Variants in STIM2 observed in about 807,000 individuals in gnomAD.
The protein encoded by STIM2 is stromal interaction molecule 2.
In STIM2, 31 loss-of-function variants were observed where a neutral mutation model predicts 85.8. The ratio of observed to expected loss-of-function variants is 0.36; its 90% CI spans 0.27 to 0.49. STIM2 has a LOEUF of 0.49. Ranked by LOEUF, STIM2 falls within the 20% of genes least tolerant of loss-of-function variation. The pLI, the probability that STIM2 is intolerant of heterozygous loss-of-function variation, is 0.98. For missense variants in STIM2, 841 were observed against 927.6 expected (o/e 0.91, Z 1.21); for synonymous variants, 356 against 331.1 (o/e 1.08, Z -0.82).
rs151324924 is a variant in STIM2 at position 26,941,707 on chromosome 4, C to T, written c.283-15905C>T. Among the ~76,000 whole-genome samples the T allele has an allele frequency of 5.5e-3, 826 of 150,722 alleles. 3 individuals carry two copies. The highest frequency in any genetic ancestry group is 8.8e-3 in the Non-Finnish European group (600 of 67,976). ...CCTAATTATTGGCTTTCTTAAAGAT[C>T]CTAAGAGATGAGCAGTACCTTTTAA... On this transcript the variant is annotated intron_variant, in intron 2 of 11. Transcript: ENST00000467087.
intron 2 of STIM2, among the ~76,000 whole-genome samples, chr4:26,922,444 T>A (rs1183925964): frequency 6.6e-6 from 1 of 152,192 alleles, no homozygotes; most frequent in African/African-American, 2.4e-5. Context: ...AAACTGAGCT[T>A]CTGCAGTTTC....
chr4:26,861,920 C>G (rs1458243620), intron 1 of STIM2, among the ~76,000 whole-genome samples: 2 of 151,952 alleles, frequency 1.3e-5, no homozygotes, highest in African/African-American at 4.8e-5. Context: ...TGCAGAAATG[C>G]CTAAGTTTAC....
chr4:26,896,496 G>A (rs1370647097), intron 1 of STIM2, among the ~76,000 whole-genome samples: 4 of 152,068 alleles, frequency 2.6e-5, no homozygotes, highest in Non-Finnish European at 4.4e-5. Flanking sequence ...TGAAAATTTC[G>A]TATCTTCATA....
chr4:26,914,964 C>T (rs1014204085), intron 1 of STIM2, among the ~76,000 whole-genome samples: 6 of 152,128 alleles, frequency 3.9e-5, no homozygotes, highest in Admixed American at 2.6e-4. Context: ...TCTGTGATAG[C>T]GGTACTTAAT....
intron 2 of STIM2, among the ~76,000 whole-genome samples, chr4:26,949,585 A>G (rs1725969405): frequency 6.6e-6 from 1 of 152,222 alleles, no homozygotes; most frequent in Non-Finnish European, 1.5e-5. Flanking sequence ...GAAAGTGGTA[A>G]TAACCTCTAA....
intron 3 of STIM2, among the ~76,000 whole-genome samples, chr4:26,960,007 G>A (rs1726388245): frequency 6.6e-6 from 1 of 152,084 alleles, no homozygotes; most frequent in Non-Finnish European, 1.5e-5. Flanking sequence ...GCTTTATAAT[G>A]ACCTAATTGA....
chr4:26,908,234 C>T (rs932100056), intron 1 of STIM2, among the ~76,000 whole-genome samples: 2 of 152,112 alleles, frequency 1.3e-5, no homozygotes, highest in Non-Finnish European at 2.9e-5. Flanking sequence ...TCAGAATATT[C>T]TCTTTTGGGT....
intron 1 of STIM2, among the ~76,000 whole-genome samples, chr4:26,863,027 CA>C (rs1263867463): frequency 6.6e-6 from 1 of 152,126 alleles, no homozygotes; most frequent in African/African-American, 2.4e-5. Context: ...GGTAAAAAGG[CA>C]AGCAATTCAG....
In STIM2 at chr4:27,008,947, T is replaced by C. The variant is rs937536560; in HGVS notation, c.1434T>C (p.Ala478=). The C allele has an allele frequency of 1.9e-6, 3 of 1,614,014 alleles. No individual in the cohort carries two copies. The highest frequency in any genetic ancestry group is 1.7e-5 in the Admixed American group (1 of 59,994). ...TCTCCATTCCACCCTATCCAATTGCTGGAGGAGTTGATGACTTAGATGAAG... is the reference window on the plus strand; with the variant it reads ...TCTCCATTCCACCCTATCCAATTGCCGGAGGAGTTGATGACTTAGATGAAG... The change falls in exon 10 of 12, where the codon GCT becomes GCC. Residue 478 remains alanine, a synonymous_variant. Transcript: ENST00000467087.
At chr4:26,931,919 G>A (rs1049304776) in intron 2 of STIM2, among the ~76,000 whole-genome samples, 2 of 152,162 alleles carry the variant, frequency 1.3e-5, no homozygotes, top group East Asian at 1.9e-4. Context: ...AATGGATTAC[G>A]TGGTCAAAAT....
chr4:26,938,397 A>G (rs147100108), intron 2 of STIM2, among the ~76,000 whole-genome samples: 67 of 152,334 alleles, frequency 4.4e-4, no homozygotes, highest in African/African-American at 1.5e-3. Flanking sequence ...GCTAGTTACT[A>G]TAGTTAATAA....
intron 10 of STIM2, among the ~76,000 whole-genome samples, chr4:27,015,616 T>C (rs1173207329): frequency 1.3e-5 from 2 of 152,048 alleles, no homozygotes; most frequent in African/African-American, 4.8e-5. Flanking sequence ...TCAATAATTA[T>C]TTCTCAGTTA....
chr4:26,876,961 TTTGAC>T (rs1722836026), intron 1 of STIM2, among the ~76,000 whole-genome samples: 1 of 152,228 alleles, frequency 6.6e-6, no homozygotes, highest in African/African-American at 2.4e-5. Context: ...AACCTTTTGC[TTTGAC>T]TTGCCTGATT....
chr4:26,919,555 G>A lies in STIM2; in HGVS notation c.203G>A (p.Ser68Asn), dbSNP rs769165474. ...TGCTTTACAGAAGAAGACAGATTTA[G>A]TCTGGAAGCTCTTCAAACAATACAT... The change falls in exon 2 of 12, where the codon AGT becomes AAT. Residue 68 changes from serine (S) to asparagine (N), a missense_variant. Around this residue, in one of 3 missense-constraint regions of STIM2, gnomAD observed 140 missense variants for 117.7 expected, o/e 1.19. Transcript: ENST00000467087. 1.9e-6 allele frequency: 3 copies of A among 1,613,684 alleles called. No individual in the cohort carries two copies. In the South Asian group the frequency reaches 3.3e-5, roughly 18 times the overall value.
chr4:26,878,872 C>T (rs1722903213), intron 1 of STIM2, among the ~76,000 whole-genome samples: 1 of 152,106 alleles, frequency 6.6e-6, no homozygotes, highest in South Asian at 2.1e-4. Context: ...ACTATCGGCT[C>T]TCATGAGAAC....
intron 1 of STIM2, among the ~76,000 whole-genome samples, chr4:26,877,033 G>A (rs921863193): frequency 2.0e-5 from 3 of 151,932 alleles, no homozygotes; most frequent in South Asian, 2.1e-4. Flanking sequence ...TTTGGATCTT[G>A]GTTGTCTTTT....
chr4:26,979,687 A>T (rs1356201132), intron 3 of STIM2, among the ~76,000 whole-genome samples: 1 of 152,212 alleles, frequency 6.6e-6, no homozygotes, highest in African/African-American at 2.4e-5. Context: ...ATAATTATCT[A>T]GGAGAGCATG....
chr4:27,009,318 A>G (rs1009487867), intron 10 of STIM2, among the ~76,000 whole-genome samples: 2 of 152,176 alleles, frequency 1.3e-5, no homozygotes, highest in Non-Finnish European at 2.9e-5. Flanking sequence ...TGAATATAAG[A>G]CTTTTTTTAA....
chr4:26,900,477 A>C (rs1723879028), intron 1 of STIM2, among the ~76,000 whole-genome samples: 1 of 152,202 alleles, frequency 6.6e-6, no homozygotes, highest in Non-Finnish European at 1.5e-5. Flanking sequence ...CTAGACAAAG[A>C]GAGCCTTGTT....
Sources: gnomAD v4.1 joint callset for allele counts (sites outside exome capture counted in the v4.1 genomes callset) on GRCh38, gnomAD v4.1.1 for gene constraint, gnomAD v4.1.1 regional missense constraint, MANE v1.5 for transcripts, NCBI Gene and HGNC (gene_info 2026-07-23, HGNC 2026-07-21) for gene names.